SPAG17: variants seen among roughly 807,000 people sequenced by gnomAD.
SPAG17 encodes sperm associated antigen 17.
SPAG17 carries 169 observed loss-of-function variants against 273.6 expected under a neutral mutation model. The observed-to-expected ratio is 0.62, with a 90% CI of 0.55 to 0.70. SPAG17 has a LOEUF of 0.70. SPAG17 is among the 30% of genes least tolerant of loss of function. SPAG17 has a pLI of 0.00. For missense variants in SPAG17, 2,557 were observed against 2,627.8 expected, an observed-to-expected ratio of 0.97 and a Z score of 0.59; for synonymous variants, 825 against 873.2, an observed-to-expected ratio of 0.94 and a Z score of 0.97.
chr1:118,046,505 A>T (rs1024219464), intron 20 of SPAG17, among the ~76,000 whole-genome samples: 4 of 152,072 alleles, frequency 2.6e-5, no homozygotes, highest in African/African-American at 9.7e-5. Context: ...TTAAGTTTAG[A>T]TTTTATTAAA....
intron 23 of SPAG17, among the ~76,000 whole-genome samples, chr1:118,037,465 T>A (rs1649213636): frequency 6.6e-6 from 1 of 152,170 alleles, no homozygotes; most frequent in Admixed American, 6.5e-5. Context: ...GTGAGCATAG[T>A]ACCTGATAGG....
At chr1:118,159,637 A>G (rs1008772101) in intron 1 of SPAG17, among the ~76,000 whole-genome samples, 4 of 152,138 alleles carry the variant, frequency 2.6e-5, no homozygotes, top group Admixed American at 6.5e-5. Context: ...TTGAATTTAG[A>G]TATGTCCTGG....
At chr1:118,096,996 A>G (rs1465756699) in intron 7 of SPAG17, among the ~76,000 whole-genome samples, 1 of 152,206 alleles carries the variant, frequency 6.6e-6, no homozygotes, top group African/African-American at 2.4e-5. Context: ...GCACTTCGGG[A>G]GGCCAAGGCA....
chr1:118,160,658 A>G (rs17037954), intron 1 of SPAG17, among the ~76,000 whole-genome samples: 10,860 of 152,322 alleles, frequency 0.071, 528 homozygotes, highest in East Asian at 0.26. Flanking sequence ...GATTGCCCTG[A>G]TTACACTAAC....
intron 48 of SPAG17, chr1:117,961,685 G>A (rs1483433616): frequency 1.3e-5 from 2 of 152,164 alleles, no homozygotes; most frequent in Non-Finnish European, 2.9e-5. Context: ...CAAACCACAA[G>A]TCTTAATGTT....
intron 45 of SPAG17, among the ~76,000 whole-genome samples, chr1:117,971,114 C>T (rs1654505787): frequency 6.6e-6 from 1 of 152,080 alleles, no homozygotes. Flanking sequence ...GAAGGACTTA[C>T]CACTCAACTC....
At chr1:117,975,430 T>C (rs1655026966) in intron 43 of SPAG17, among the ~76,000 whole-genome samples, 1 of 152,218 alleles carries the variant, frequency 6.6e-6, no homozygotes, top group African/African-American at 2.4e-5. Flanking sequence ...CTAACTAATA[T>C]AGTAGTAGTG....
intron 18 of SPAG17, 89 bp downstream of exon 18, chr1:118,066,656 G>C (rs1041558795): frequency 4.9e-5 from 53 of 1,083,132 alleles, no homozygotes; most frequent in Non-Finnish European, 6.3e-5. Flanking sequence ...CCCTAGCTTA[G>C]GGTAAGGAAC....
At chr1:118,029,654 T>G (rs979500014) in intron 25 of SPAG17, among the ~76,000 whole-genome samples, 7 of 152,228 alleles carry the variant, frequency 4.6e-5, no homozygotes, top group South Asian at 2.1e-4. Context: ...CCTAAATCCC[T>G]TGTTTGGTTA....
At chr1:117,990,801 T>A in intron 38 of SPAG17, 60 bp downstream of exon 38, 2 of 1,130,982 alleles carry the variant, frequency 1.8e-6, no homozygotes, top group Non-Finnish European at 2.6e-6. Context: ...ATAAGTGTAT[T>A]TAAGATGATT....
At chr1:117,998,024 T>G (rs913800829) in intron 32 of SPAG17, among the ~76,000 whole-genome samples, 3 of 152,160 alleles carry the variant, frequency 2.0e-5, no homozygotes, top group Non-Finnish European at 4.4e-5. Context: ...AGTCTGTTGA[T>G]AGTTTCTTTT....
chr1:118,047,342 A>G (rs1032594857), intron 20 of SPAG17, among the ~76,000 whole-genome samples: 2 of 152,234 alleles, frequency 1.3e-5, no homozygotes, highest in African/African-American at 4.8e-5. Context: ...GTGAGAGAGT[A>G]TAGCATCTTA....
chr1:118,141,048 G>A (rs962196370), intron 3 of SPAG17, among the ~76,000 whole-genome samples: 12 of 152,092 alleles, frequency 7.9e-5, no homozygotes, highest in Admixed American at 2.0e-4. Flanking sequence ...CAAACACTCA[G>A]CCTACAGTGT....
chr1:118,023,195 T>A, intron 28 of SPAG17, 109 bp downstream of exon 28: 1 of 690,076 alleles, frequency 1.4e-6, no homozygotes, highest in Admixed American at 3.6e-5. Context: ...TATATAAATA[T>A]ATTTGTAGAA....
chr1:118,022,225 A>G (rs1660567730), intron 28 of SPAG17, among the ~76,000 whole-genome samples: 1 of 152,116 alleles, frequency 6.6e-6, no homozygotes, highest in Non-Finnish European at 1.5e-5. Context: ...CTCTCCCTCA[A>G]TTTTCTCATT....
At chr1:118,075,668 A>G (rs1243952709) in intron 15 of SPAG17, among the ~76,000 whole-genome samples, 1 of 152,198 alleles carries the variant, frequency 6.6e-6, no homozygotes, top group Admixed American at 6.5e-5. Context: ...CTTAGAATAA[A>G]TGAAGATTAT....
At chr1:118,048,461 T>C (rs1198074319) in intron 20 of SPAG17, among the ~76,000 whole-genome samples, 1 of 152,148 alleles carries the variant, frequency 6.6e-6, no homozygotes, top group African/African-American at 2.4e-5. Context: ...CAACTTTTTG[T>C]TAAAAAATTA....
chr1:118,095,333 A>G (rs1043080936), intron 7 of SPAG17, among the ~76,000 whole-genome samples: 28 of 152,180 alleles, frequency 1.8e-4, no homozygotes, highest in African/African-American at 6.0e-4. Flanking sequence ...TTTCAGCTTT[A>G]TGCAGCCTGT....
At chr1:118,130,676 G>A (rs1219685607) in intron 3 of SPAG17, among the ~76,000 whole-genome samples, 4 of 152,234 alleles carry the variant, frequency 2.6e-5, no homozygotes, top group African/African-American at 4.8e-5. Flanking sequence ...CCCAGTTTCT[G>A]AGCCAATCTT....
Sources: allele counts gnomAD v4.1 joint callset (sites outside exome capture counted in the v4.1 genomes callset), GRCh38; gene constraint gnomAD v4.1.1; transcripts MANE v1.5; gene names NCBI Gene and HGNC (gene_info 2026-07-23, HGNC 2026-07-21).